The following ZMAT4 variants were observed in gnomAD, a reference collection of about 807,000 sequenced individuals.
ZMAT4 encodes the protein zinc finger matrin-type 4, also known as zinc finger matrin-type protein 4.
In ZMAT4, 17 loss-of-function variants were observed where a neutral mutation model predicts 28.7. The observed-to-expected ratio is 0.59, with a 90% CI of 0.41 to 0.89. The LOEUF (loss-of-function observed/expected upper bound fraction) is 0.89. Ranked by LOEUF, ZMAT4 falls within the 40% of genes least tolerant of loss-of-function variation. The pLI is 0.00. For synonymous variants in ZMAT4, 117 were observed against 109.2 expected (o/e 1.07, Z -0.44); for missense variants, 240 against 283.8 (o/e 0.85, Z 1.11).
intron 1 of ZMAT4, among the ~76,000 whole-genome samples, chr8:40,864,702 T>C (rs1039279423): frequency 6.6e-6 from 1 of 152,208 alleles, no homozygotes; most frequent in Non-Finnish European, 1.5e-5. Context: ...CAGTGACTGG[T>C]ATTTTTATGC....
intron 3 of ZMAT4, among the ~76,000 whole-genome samples, chr8:40,713,468 T>C (rs1423494596): frequency 6.6e-6 from 1 of 151,586 alleles, no homozygotes; most frequent in African/African-American, 2.4e-5. Context: ...CATGAAGGTA[T>C]TTAAAAGCAA....
chr8:40,626,724 T>C (rs866594454), intron 5 of ZMAT4, among the ~76,000 whole-genome samples: 21 of 152,166 alleles, frequency 1.4e-4, no homozygotes, highest in Admixed American at 1.4e-3. Flanking sequence ...AAAATGTCCA[T>C]GGATCTTTAG....
chr8:40,835,647 G>T (rs938362112), intron 1 of ZMAT4, among the ~76,000 whole-genome samples: 2 of 152,156 alleles, frequency 1.3e-5, no homozygotes, highest in Non-Finnish European at 2.9e-5. Flanking sequence ...ACAGATTGAG[G>T]GCAGATTTAA....
At position 40,856,945 on chromosome 8, in the gene ZMAT4, C is replaced by G. The variant is rs150930957; in HGVS notation, c.-4-31265G>C. On this transcript the variant is annotated intron_variant, in intron 1 of 6. Coordinates refer to ENST00000297737, the MANE Select transcript of ZMAT4 (RefSeq NM_024645.3). The stretch of plus-strand genomic sequence containing the variant: ...AAGCTGGCCTCATCCATTTTTTAAC[C>G]AGGCAAGCTCTGCTGTGAAGAAAGT... Among the ~76,000 whole-genome samples the G allele has an allele frequency of 4.6e-3, 700 of 152,294 alleles. 8 individuals carry two copies. The highest frequency in any genetic ancestry group is 0.016 in the African/African-American group (673 of 41,568).
intron 3 of ZMAT4, among the ~76,000 whole-genome samples, chr8:40,697,817 T>A (rs1487114216): frequency 6.6e-6 from 1 of 150,912 alleles, no homozygotes; most frequent in African/African-American, 2.4e-5. Context: ...TAGCTATTAA[T>A]GCCAGATACT....
rs185480786 is a variant in ZMAT4, at chr8:40,591,146, G to A, written c.578-9885C>T. Among the ~76,000 whole-genome samples the A allele has an allele frequency of 1.1e-3, 167 of 152,270 alleles. 1 individual carries two copies. The highest frequency in any genetic ancestry group is 9.4e-3 in the Admixed American group (144 of 15,282). ...ATTGTAGAAAATTCAGGGCAAGGAA[G>A]GTGCTGGTGGACCAGGGAGTCATTA... is the stretch of plus-strand genomic sequence containing the variant. On this transcript the variant is annotated intron_variant, in intron 5 of 6. Coordinates refer to ENST00000297737, the MANE Select transcript of ZMAT4 (RefSeq NM_024645.3).
Position 40,856,453 on chromosome 8 carries a change from T to C in ZMAT4, c.-4-30773A>G, listed in dbSNP as rs1056184134. 2.6e-5 allele frequency among the ~76,000 whole-genome samples: 4 copies of C among 152,310 alleles called. No individual in the cohort carries two copies. The South Asian group carries it at 8.3e-4, about 32-fold the overall frequency. On this transcript the variant is annotated intron_variant, in intron 1 of 6. Transcript: ENST00000297737. Reference sequence around the variant, plus strand: ...TTGCACAGGATGGTCTGTGTACCACTTGGCAGGAGTACAGGTTAAAGCATG... The same window carrying C: ...TTGCACAGGATGGTCTGTGTACCACCTGGCAGGAGTACAGGTTAAAGCATG...
chr8:40,867,216 C>A (rs1211761328), intron 1 of ZMAT4, among the ~76,000 whole-genome samples: 1 of 151,950 alleles, frequency 6.6e-6, no homozygotes, highest in East Asian at 1.9e-4. Flanking sequence ...TTGGGGCACA[C>A]AAAAAATACA....
intron 1 of ZMAT4, among the ~76,000 whole-genome samples, chr8:40,846,085 T>C (rs1816884199): frequency 6.6e-6 from 1 of 152,140 alleles, no homozygotes; most frequent in African/African-American, 2.4e-5. Flanking sequence ...TGTCAAACTT[T>C]CACTAAACAG....
At chr8:40,637,473 G>T (rs1324799284) in intron 5 of ZMAT4, among the ~76,000 whole-genome samples, 2 of 152,084 alleles carry the variant, frequency 1.3e-5, no homozygotes, top group Non-Finnish European at 2.9e-5. Flanking sequence ...GCATTAATAG[G>T]TAATTCCTTC....
intron 5 of ZMAT4, among the ~76,000 whole-genome samples, chr8:40,618,006 A>T (rs554858474): frequency 2.0e-5 from 3 of 152,312 alleles, no homozygotes; most frequent in African/African-American, 7.2e-5. Context: ...ATTCTCTCAA[A>T]TTCTACCACA....
rs189029818 is a variant in ZMAT4, at chr8:40,708,325, C to G, written c.193-10924G>C. Among the ~76,000 whole-genome samples the G allele has an allele frequency of 2.2e-3, 338 of 152,242 alleles. 2 individuals carry two copies. Among genetic ancestry groups the G allele is most frequent in the African/African-American group, 6.5e-3 (272 of 41,538 alleles). On this transcript the variant is annotated intron_variant, in intron 3 of 6. Transcript: ENST00000297737. ...GATTATAAGAGAGGTCTGTGGAGAG[C>G]CTGGAGGGGCAGACACAGCCTAGAC...
intron 5 of ZMAT4, among the ~76,000 whole-genome samples, chr8:40,589,758 T>TTCTTTCTTTCTTTCTTTCTA (rs1563353934): frequency 6.8e-6 from 1 of 147,778 alleles, no homozygotes; most frequent in Non-Finnish European, 1.5e-5. Context: ...CTTTCTTTCT[T>TTCTTTCTTTCTTTCTTTCTA]TCTTTTTCTT....
intron 2 of ZMAT4, among the ~76,000 whole-genome samples, chr8:40,773,997 A>G (rs1335517828): frequency 6.6e-6 from 1 of 152,182 alleles, no homozygotes; most frequent in East Asian, 1.9e-4. Context: ...AAAGAAAACT[A>G]GGAAAATATA....
intron 2 of ZMAT4, among the ~76,000 whole-genome samples, chr8:40,824,736 A>AAAG (rs1815968331): frequency 2.0e-5 from 3 of 147,058 alleles, no homozygotes; most frequent in Admixed American, 6.7e-5. Flanking sequence ...AAGAAAGAAG[A>AAAG]AAGAAAGAAA....
At chr8:40,614,494 C>T (rs1805923133) in intron 5 of ZMAT4, among the ~76,000 whole-genome samples, 1 of 152,072 alleles carries the variant, frequency 6.6e-6, no homozygotes, top group African/African-American at 2.4e-5. Context: ...AACTTTCTGT[C>T]TCGTTGATCT....
At chr8:40,828,086 G>A (rs549497213) in intron 1 of ZMAT4, among the ~76,000 whole-genome samples, 29 of 152,252 alleles carry the variant, frequency 1.9e-4, no homozygotes, top group South Asian at 4.1e-4. Context: ...CGGGCACTCC[G>A]GAGATGGTCT....
chr8:40,746,298 C>CCTTTCCTTTCCTT (rs1200848960), intron 3 of ZMAT4, among the ~76,000 whole-genome samples: 3 of 21,552 alleles, frequency 1.4e-4, no homozygotes, highest in African/African-American at 2.2e-4. Context: ...TTCTTTCTTT[C>CCTTTCCTTTCCTT]TCCCTTCCTT....
intron 1 of ZMAT4, among the ~76,000 whole-genome samples, chr8:40,845,569 AT>A (rs1291586837): frequency 6.6e-6 from 1 of 152,052 alleles, no homozygotes; most frequent in Non-Finnish European, 1.5e-5. Flanking sequence ...GAAAAAAAAA[AT>A]AACAGTGTCC....
Sources: allele counts gnomAD v4.1 joint callset (sites outside exome capture counted in the v4.1 genomes callset), GRCh38; gene constraint gnomAD v4.1.1; transcripts MANE v1.5; gene names NCBI Gene and HGNC (gene_info 2026-07-23, HGNC 2026-07-21).